The following CMTM4 variants were observed in gnomAD, a reference collection of about 807,000 sequenced individuals.
CMTM4 encodes CKLF-like MARVEL transmembrane domain-containing protein 4.
A neutral mutation model predicts 19.0 loss-of-function variants in CMTM4; 8 were observed. The observed-to-expected ratio is 0.42, with a 90% CI of 0.25 to 0.76. The LOEUF is 0.76. Among genes scored for constraint, CMTM4 ranks in the 30% least tolerant of loss-of-function variants. The pLI, the probability that CMTM4 is intolerant of heterozygous loss-of-function variation, is 0.27. For missense variants in CMTM4, 228 were observed against 290.2 expected (o/e 0.79, Z 1.56); for synonymous variants, 106 against 121.1 (o/e 0.88, Z 0.82).
At chr16:66,677,765 G>A (rs1478524024) in intron 1 of CMTM4, among the ~76,000 whole-genome samples, 1 of 151,846 alleles carries the variant, frequency 6.6e-6, no homozygotes, top group Non-Finnish European at 1.5e-5. Context: ...GCAATGGCAT[G>A]GTCTCAGCTC....
intron 1 of CMTM4, among the ~76,000 whole-genome samples, chr16:66,666,842 C>G (rs2016602940): frequency 6.6e-6 from 1 of 152,156 alleles, no homozygotes; most frequent in African/African-American, 2.4e-5. Context: ...ACCACGTTTT[C>G]ACTTATAAGT....
Position 66,622,957 on chromosome 16 carries a change from A to G in CMTM4, c.462+447T>C, listed in dbSNP as rs1390748601. ...AGGGCATGGAGAGGGGAAGTCCTAC[A>G]TTATCTGGTCCCCACCTGCCGTGGC... On this transcript the variant is annotated intron_variant, in intron 3 of 3. Transcript: ENST00000394106. The surrounding 1 kb of genome is among the most constrained non-coding windows in gnomAD (Gnocchi z 4.0). 4.6e-5 allele frequency among the ~76,000 whole-genome samples: 7 copies of G among 152,208 alleles called. No homozygotes were observed. In the East Asian group the frequency reaches 1.3e-3, roughly 29 times the overall value.
chr16:66,636,634 C>T (rs777429030), intron 1 of CMTM4, 53 bp from the exon 2 acceptor site: 17 of 1,417,366 alleles, frequency 1.2e-5, no homozygotes, highest in Non-Finnish European at 1.6e-5. Context: ...TATACATCTG[C>T]GGACATACGT....
intron 1 of CMTM4, among the ~76,000 whole-genome samples, chr16:66,670,250 C>G (rs2016678108): frequency 6.7e-6 from 1 of 149,414 alleles, no homozygotes; most frequent in Non-Finnish European, 1.5e-5. Context: ...AGTTTGGGAC[C>G]AGCCTGGCCA....
chr16:66,651,498 C>T (rs2016310467), intron 1 of CMTM4, among the ~76,000 whole-genome samples: 1 of 152,146 alleles, frequency 6.6e-6, no homozygotes, highest in African/African-American at 2.4e-5. Context: ...CCTCACACCC[C>T]GACTCAGGAA....
At chr16:66,679,268 T>C (rs1051152034) in intron 1 of CMTM4, among the ~76,000 whole-genome samples, 19 of 152,054 alleles carry the variant, frequency 1.2e-4, no homozygotes, top group Admixed American at 8.5e-4. Flanking sequence ...GACAATCAAG[T>C]CTCAATTTTC....
chr16:66,604,245 C>T, the CMTM4 span: 1 of 151,246 alleles, frequency 6.6e-6, no homozygotes, highest in Admixed American at 6.6e-5. Flanking sequence ...CTGGAACAGC[C>T]AACAAAGAGG....
intron 1 of CMTM4, among the ~76,000 whole-genome samples, chr16:66,646,614 A>G (rs1257023170): frequency 6.6e-6 from 1 of 152,000 alleles, no homozygotes; most frequent in Admixed American, 6.6e-5. Context: ...TAAATGCCCT[A>G]TGTATGGACA....
downstream of CMTM4, chr16:66,611,193 C>CT (rs1247485688): frequency 4.7e-6 from 1 of 212,930 alleles, no homozygotes; most frequent in Admixed American, 5.9e-5. Flanking sequence ...TGGCTCACGC[C>CT]TGTAATCTCA....
intron 1 of CMTM4, among the ~76,000 whole-genome samples, chr16:66,678,436 A>C (rs1201557011): frequency 1.3e-5 from 2 of 152,210 alleles, no homozygotes; most frequent in Non-Finnish European, 2.9e-5. Context: ...AATGCTTTCG[A>C]AATGAACCAA....
At chr16:66,671,828 G>GT (rs1162196654) in intron 1 of CMTM4, among the ~76,000 whole-genome samples, 1 of 151,990 alleles carries the variant, frequency 6.6e-6, no homozygotes, top group Non-Finnish European at 1.5e-5. Context: ...TCCAGCCTGG[G>GT]TAACACAGGG....
chr16:66,692,299 A>C lies in CMTM4; in HGVS notation c.186+4041T>G, dbSNP rs189127595. Among the ~76,000 whole-genome samples, 540 of 152,304 alleles carry C rather than the reference A, an allele frequency of 3.5e-3. 3 individuals are homozygous for C. The highest frequency in any genetic ancestry group is 6.2e-3 in the Non-Finnish European group (423 of 68,010). On this transcript the variant is annotated intron_variant, in intron 1 of 3. Coordinates refer to ENST00000394106, the MANE Select transcript of CMTM4 (RefSeq NM_181521.3). ...GAGATGTGGTTTCACCATGGTGGCC[A>C]GGCTAGTCTTGAACTCCTGACCTCA...
the CMTM4 span, among the ~76,000 whole-genome samples, chr16:66,602,641 G>A: frequency 6.6e-6 from 1 of 152,054 alleles, no homozygotes; most frequent in Admixed American, 6.6e-5. Flanking sequence ...CTGCCTTCTG[G>A]GTTCAAGTGA....
chr16:66,622,123 T>C lies in CMTM4; in HGVS notation c.562A>G (p.Ile188Val), dbSNP rs1271950835. The C allele has an allele frequency of 8.1e-6, 13 of 1,610,504 alleles. No individual in the cohort carries two copies. The highest frequency in any genetic ancestry group is 5.0e-5 in the Admixed American group (3 of 59,508). The change falls in exon 4 of 4, where the codon ATC (isoleucine) becomes GTC (valine). Residue 188 changes from isoleucine (I) to valine (V), a missense_variant. Ile to Val is a conservative substitution (Grantham distance 29). Coordinates refer to ENST00000394106, the MANE Select transcript of CMTM4 (RefSeq NM_181521.3). The surrounding 1 kb of genome is among the most constrained non-coding windows in gnomAD (Gnocchi z 4.0). ...TCCCTGGACTCCGTGCGGGCTCGGA[T>C]GTAGTCATTGGTGCTCTGCTGGCGG... ...SVRQQSTNDY[I>V]RARTESRDVD... is the part of the protein sequence containing the mutation.
intron 1 of CMTM4, among the ~76,000 whole-genome samples, chr16:66,644,896 CCCATACTGGTGAGAAAATGTCAAATCAGG>C (rs1353150319): frequency 1.3e-5 from 2 of 152,348 alleles, no homozygotes; most frequent in Non-Finnish European, 2.9e-5. Context: ...AAAGTGATAT[CCCATACTGGTGAGAAAATGTCAAATCAGG>C]CCATTTTCCA....
At chr16:66,671,335 G>C (rs1227275430) in intron 1 of CMTM4, among the ~76,000 whole-genome samples, 1 of 152,166 alleles carries the variant, frequency 6.6e-6, no homozygotes, top group East Asian at 1.9e-4. Flanking sequence ...GATGGAAGGA[G>C]ACCTGTAAGT....
chr16:66,667,048 G>C (rs914241422), intron 1 of CMTM4, among the ~76,000 whole-genome samples: 3 of 152,208 alleles, frequency 2.0e-5, no homozygotes, highest in Non-Finnish European at 4.4e-5. Flanking sequence ...GTTGGGGCCG[G>C]GCACAGCGGC....
intron 1 of CMTM4, among the ~76,000 whole-genome samples, chr16:66,695,506 A>C (rs2017217393): frequency 6.6e-6 from 1 of 152,170 alleles, no homozygotes; most frequent in Non-Finnish European, 1.5e-5. Context: ...GAGCTAAGCA[A>C]TTGCCCGCAG....
chr16:66,683,165 A>ACG (rs2016957641), intron 1 of CMTM4, among the ~76,000 whole-genome samples: 13 of 104,586 alleles, frequency 1.2e-4, no homozygotes, highest in African/African-American at 2.4e-4. Context: ...ATATACGTAT[A>ACG]TATATATATA....
Sources: allele counts gnomAD v4.1 joint callset (sites outside exome capture counted in the v4.1 genomes callset), GRCh38; gene constraint gnomAD v4.1.1; non-coding constraint Gnocchi (gnomAD v3.1); transcripts MANE v1.5; gene names NCBI Gene and HGNC (gene_info 2026-07-23, HGNC 2026-07-21).